DDR2: variants seen among roughly 807,000 people sequenced by gnomAD.
The protein encoded by DDR2 is discoidin domain receptor tyrosine kinase 2, also known as discoidin domain-containing receptor 2.
DDR2 carries 27 observed loss-of-function variants against 94.9 expected under a neutral mutation model. The ratio of observed to expected loss-of-function variants is 0.28; its 90% CI spans 0.21 to 0.39. The LOEUF (loss-of-function observed/expected upper bound fraction) is 0.39, where lower values mean the gene tolerates loss of function less well. Among genes scored for constraint, DDR2 ranks in the 10% least tolerant of loss-of-function variants. The pLI, the probability that DDR2 is intolerant of heterozygous loss-of-function variation, is 1.00. For missense variants in DDR2, 783 were observed against 1,076.0 expected (o/e 0.73, Z 3.81); for synonymous variants, 382 against 377.2 (o/e 1.01, Z -0.15).
chr1:162,678,702 G>A (rs1050821185), intron 2 of DDR2, among the ~76,000 whole-genome samples: 6 of 152,144 alleles, frequency 3.9e-5, no homozygotes, highest in East Asian at 3.8e-4. Context: ...GTATCTTCCC[G>A]TAAAACCGTC....
At chr1:162,752,386 T>A (rs1459531501) in intron 3 of DDR2, among the ~76,000 whole-genome samples, 1 of 152,290 alleles carries the variant, frequency 6.6e-6, no homozygotes, top group East Asian at 1.9e-4. Flanking sequence ...ACCGTAGGGG[T>A]CAACTTTTTT....
chr1:162,744,459 C>G (rs1662756601), intron 3 of DDR2, among the ~76,000 whole-genome samples: 1 of 152,102 alleles, frequency 6.6e-6, no homozygotes, highest in South Asian at 2.1e-4. Context: ...CGGGTTCAAC[C>G]ATTTAGTCAA....
At chr1:162,658,213 C>T (rs1204248338) in intron 2 of DDR2, among the ~76,000 whole-genome samples, 1 of 152,142 alleles carries the variant, frequency 6.6e-6, no homozygotes, top group Non-Finnish European at 1.5e-5. Flanking sequence ...TTTATGTATT[C>T]TGCTGTGCAC....
At chr1:162,711,781 T>C (rs757044001) in intron 2 of DDR2, among the ~76,000 whole-genome samples, 2 of 151,640 alleles carry the variant, frequency 1.3e-5, no homozygotes, top group African/African-American at 2.4e-5. Context: ...TATATATATA[T>C]ACACACACAT....
At chr1:162,776,017 G>T in intron 15 of DDR2, 119 bp from the exon 16 acceptor site, 1 of 1,298,282 alleles carries the variant, frequency 7.7e-7, no homozygotes, top group Non-Finnish European at 1.1e-6. Context: ...GATTCATCAA[G>T]AGTAGAGAAA....
At chr1:162,772,359 A>G (rs1647270912) in intron 13 of DDR2, 112 bp downstream of exon 13, 2 of 1,117,344 alleles carry the variant, frequency 1.8e-6, no homozygotes, top group Admixed American at 2.0e-5. Flanking sequence ...TGTCTCTTCC[A>G]TTTGTCTCTC....
At chr1:162,733,968 A>G (rs748774152) in intron 3 of DDR2, among the ~76,000 whole-genome samples, 2 of 152,242 alleles carry the variant, frequency 1.3e-5, no homozygotes, top group African/African-American at 4.8e-5. Context: ...TGTCAAATAC[A>G]TAATCAAATT....
At chr1:162,729,300 ATTTTTTTTTTTTTT>A (rs869269032) in intron 3 of DDR2, among the ~76,000 whole-genome samples, 1 of 94,016 alleles carries the variant, frequency 1.1e-5, no homozygotes, top group Non-Finnish European at 1.8e-5. Context: ...ATATATATAT[ATTTTTTTTTTTTTT>A]TTTTTTCCTT....
intron 2 of DDR2, among the ~76,000 whole-genome samples, chr1:162,686,200 AT>A (rs559610554): frequency 6.0e-5 from 9 of 150,356 alleles, no homozygotes; most frequent in Admixed American, 2.0e-4. Flanking sequence ...TAATTTTTGT[AT>A]TTTTTTTTTA....
chr1:162,758,418 T>C (rs2102145742), intron 7 of DDR2, among the ~76,000 whole-genome samples: 2 of 152,354 alleles, frequency 1.3e-5, no homozygotes, highest in Middle Eastern at 6.8e-3. Flanking sequence ...ATTTATTTTC[T>C]TATCCCTTCT....
At chr1:162,707,301 A>G (rs533861748) in intron 2 of DDR2, among the ~76,000 whole-genome samples, 4 of 152,328 alleles carry the variant, frequency 2.6e-5, no homozygotes, top group East Asian at 1.9e-4. Context: ...CTAAGTCCCT[A>G]TGAGGTCTAC....
In DDR2 at chr1:162,696,384, A is replaced by G. The variant is rs192166174; in HGVS notation, c.-27-22653A>G. 1.6e-4 allele frequency among the ~76,000 whole-genome samples: 25 copies of G among 151,964 alleles called. No homozygotes were observed. The East Asian group carries it at 4.5e-3, about 27-fold the overall frequency. On this transcript the variant is annotated intron_variant, in intron 2 of 17. Transcript: ENST00000367921. ...AGGAGGAGAGCAGGAACAGCTGGCC[A>G]TCTCCCCCTGAAAGGCCAGGGCCCC...
intron 3 of DDR2, among the ~76,000 whole-genome samples, chr1:162,744,467 C>G (rs565928696): frequency 6.6e-6 from 1 of 152,210 alleles, no homozygotes; most frequent in African/African-American, 2.4e-5. Context: ...ACCATTTAGT[C>G]AAAAATGTTA....
At chr1:162,778,446 C>T in intron 16 of DDR2, 134 bp from the exon 17 acceptor site, 1 of 1,059,816 alleles carries the variant, frequency 9.4e-7, no homozygotes, top group Non-Finnish European at 1.5e-6. Flanking sequence ...CTAAATACTC[C>T]ATGCACATCT....
At chr1:162,726,763 A>G (rs566652937) in intron 3 of DDR2, among the ~76,000 whole-genome samples, 2 of 152,272 alleles carry the variant, frequency 1.3e-5, no homozygotes, top group South Asian at 4.1e-4. Context: ...AAGAGTCTAC[A>G]GAAGAACAAC....
At chr1:162,716,949 T>A (rs1398731858) in intron 2 of DDR2, among the ~76,000 whole-genome samples, 1 of 152,212 alleles carries the variant, frequency 6.6e-6, no homozygotes, top group Non-Finnish European at 1.5e-5. Flanking sequence ...CTTTATAATA[T>A]TGTGTCACAT....
rs1241047286 is a variant in DDR2, at chr1:162,754,676, C to T, written c.238C>T (p.Pro80Ser). The change falls in exon 5 of 18, where the codon CCT (proline) becomes TCT (serine). Residue 80 changes from proline (P) to serine (S), a missense_variant. Coordinates refer to ENST00000367921, the MANE Select transcript of DDR2 (RefSeq NM_006182.4). ...CTGGTGCCCTGAGATTCCAGTGGAA[C>T]CTGATGACCTGAAGGAGTTTCTGCA... is the stretch of plus-strand genomic sequence containing the variant. ...GAWCPEIPVE[P>S]DDLKEFLQID... 17 of 1,613,988 alleles carry T rather than the reference C, an allele frequency of 1.1e-5. No homozygotes were observed. Among genetic ancestry groups the T allele is most frequent in the Non-Finnish European group, 1.3e-5 (15 of 1,180,024 alleles).
rs79932638 is a variant in DDR2, at chr1:162,716,411, G to A, written c.-27-2626G>A. Among the ~76,000 whole-genome samples the A allele has an allele frequency of 5.4e-3, 824 of 152,342 alleles. 6 individuals carry two copies. Among genetic ancestry groups the A allele is most frequent in the African/African-American group, 0.019 (791 of 41,586 alleles). On this transcript the variant is annotated intron_variant, in intron 2 of 17. Transcript: ENST00000367921. ...CATCCTGGATTATGGTCATGAGTTAGTGCTCAACTATAGCCAAGACCAATG... is the reference window on the plus strand; with the variant it reads ...CATCCTGGATTATGGTCATGAGTTAATGCTCAACTATAGCCAAGACCAATG...
intron 3 of DDR2, among the ~76,000 whole-genome samples, chr1:162,736,267 GA>G (rs1240882348): frequency 6.6e-6 from 1 of 152,220 alleles, no homozygotes; most frequent in African/African-American, 2.4e-5. Flanking sequence ...CTGGCTTTGG[GA>G]ATCACTGCCT....
Sources: gnomAD v4.1 joint callset for allele counts (sites outside exome capture counted in the v4.1 genomes callset) on GRCh38, gnomAD v4.1.1 for gene constraint, MANE v1.5 for transcripts, NCBI Gene and HGNC (gene_info 2026-07-23, HGNC 2026-07-21) for gene names.